The following BCL2 variants were observed in gnomAD, a reference collection of about 807,000 sequenced individuals.
The protein encoded by BCL2 is apoptosis regulator Bcl-2.
Under a neutral mutation model 14.2 loss-of-function variants are expected in BCL2, and 1 was observed. That is an observed-to-expected ratio of 0.07 (90% CI 0.02 to 0.33). The LOEUF (loss-of-function observed/expected upper bound fraction) is 0.33. Among genes scored for constraint, BCL2 ranks in the 10% least tolerant of loss-of-function variants. The pLI is 0.99. For synonymous variants in BCL2, 151 were observed against 137.2 expected, an observed-to-expected ratio of 1.10 and a Z score of -0.70; for missense variants, 247 against 305.9, an observed-to-expected ratio of 0.81 and a Z score of 1.44.
At chr18:63,198,752 GAC>G (rs1401822795) in intron 2 of BCL2, among the ~76,000 whole-genome samples, 1 of 104,774 alleles carries the variant, frequency 9.5e-6, no homozygotes, top group Non-Finnish European at 1.9e-5. Flanking sequence ...GACACACACA[GAC>G]ACACACTGAC....
At chr18:63,139,148 C>T (rs1444621113) in intron 2 of BCL2, among the ~76,000 whole-genome samples, 2 of 152,168 alleles carry the variant, frequency 1.3e-5, no homozygotes, top group Non-Finnish European at 2.9e-5. Context: ...AACCAAGTTC[C>T]CTACTGCCGC....
chr18:63,236,903 G>C (rs370813628), intron 2 of BCL2, among the ~76,000 whole-genome samples: 7 of 152,182 alleles, frequency 4.6e-5, no homozygotes, highest in Non-Finnish European at 1.0e-4. Flanking sequence ...CTACCATCTC[G>C]AGGCCAGTGA....
At chr18:63,252,552 T>C (rs575717678) in intron 2 of BCL2, among the ~76,000 whole-genome samples, 20 of 152,324 alleles carry the variant, frequency 1.3e-4, no homozygotes, top group African/African-American at 4.3e-4. Flanking sequence ...GTTCTCATGA[T>C]AATGAATGAG....
At chr18:63,156,645 T>C (rs1482924546) in intron 2 of BCL2, among the ~76,000 whole-genome samples, 1 of 152,104 alleles carries the variant, frequency 6.6e-6, no homozygotes, top group Non-Finnish European at 1.5e-5. Context: ...ACCTGATGTT[T>C]ACGTAAACAG....
At chr18:63,302,909 T>C in intron 2 of BCL2, 1 of 983,126 alleles carries the variant, frequency 1.0e-6, no homozygotes, top group Non-Finnish European at 1.2e-6. Flanking sequence ...CAAATTAAAC[T>C]GAGGGGGATG....
intron 2 of BCL2, among the ~76,000 whole-genome samples, chr18:63,155,892 G>A (rs1599213414): frequency 6.6e-6 from 1 of 152,200 alleles, no homozygotes; most frequent in South Asian, 2.1e-4. Context: ...GAGGTTAGAG[G>A]CCCATCCTCC....
At chr18:63,239,391 C>T (rs971059269) in intron 2 of BCL2, among the ~76,000 whole-genome samples, 1 of 152,136 alleles carries the variant, frequency 6.6e-6, no homozygotes, top group Non-Finnish European at 1.5e-5. Context: ...GCATCCAATT[C>T]GAGTTAATTC....
intron 2 of BCL2, among the ~76,000 whole-genome samples, chr18:63,211,801 G>A (rs1187534170): frequency 6.6e-6 from 1 of 152,244 alleles, no homozygotes; most frequent in East Asian, 1.9e-4. Context: ...GAGGAGCCAT[G>A]CCACGCAAAG....
At chr18:63,212,238 GA>G (rs1910039174) in intron 2 of BCL2, among the ~76,000 whole-genome samples, 1 of 151,428 alleles carries the variant, frequency 6.6e-6, no homozygotes. Flanking sequence ...AGGCGAGACA[GA>G]ATTGCTTGAA....
chr18:63,178,899 C>CAAAAAAAAAA (rs111876869), intron 2 of BCL2, among the ~76,000 whole-genome samples: 1 of 132,920 alleles, frequency 7.5e-6, no homozygotes. Flanking sequence ...GGGTTCAAGG[C>CAAAAAAAAAA]AAAAAAAAAA....
At position 63,275,405 on chromosome 18, in the gene BCL2, C is replaced by T. The variant is rs1038855761; in HGVS notation, c.585+42677G>A. Among the ~76,000 whole-genome samples, 5 of 152,244 alleles carry T rather than the reference C, an allele frequency of 3.3e-5. No individual in the cohort carries two copies. The South Asian group carries it at 6.2e-4, about 19-fold the overall frequency. ...ACTCAACAACAGCAAGTTAAAGTGG[C>T]TCTCCCCTTCCTGTCCTCCCCGGGA... On this transcript the variant is annotated intron_variant, in intron 2 of 2. Transcript: ENST00000333681.
intron 2 of BCL2, among the ~76,000 whole-genome samples, chr18:63,133,319 ATTT>A (rs34022610): frequency 1.5e-4 from 16 of 103,382 alleles, no homozygotes; most frequent in East Asian, 5.4e-4. Flanking sequence ...ACCTTCAAGA[ATTT>A]TTTTTTTTTT....
chr18:63,198,559 CAG>C (rs1191043360), intron 2 of BCL2, among the ~76,000 whole-genome samples: 1 of 150,220 alleles, frequency 6.7e-6, no homozygotes, highest in Admixed American at 6.6e-5. Flanking sequence ...CACATAGACA[CAG>C]ACACACATTG....
rs1008945978 is a variant in BCL2, at chr18:63,124,782, A to G, written c.*3843T>C. The G allele has an allele frequency of 8.7e-6, 2 of 229,644 alleles. No individual in the cohort carries two copies. The highest frequency in any genetic ancestry group is 1.7e-5 in the Non-Finnish European group (2 of 115,552). The allele number at this position is 229,644 out of a possible 1,614,324, so 14.2% of individuals were successfully genotyped here. ...TCTGGGCTGCAAAAGACACCACAGAATAAGATCAGAATAGAATTTCAACTG... is the reference window on the plus strand; with the variant it reads ...TCTGGGCTGCAAAAGACACCACAGAGTAAGATCAGAATAGAATTTCAACTG... On this transcript the variant is annotated 3_prime_UTR_variant, in exon 3 of 3. Transcript: ENST00000333681.
rs150321664 is a variant in BCL2, at chr18:63,258,736, C to T, written c.585+59346G>A. Among the ~76,000 whole-genome samples the T allele has an allele frequency of 4.4e-3, 676 of 152,322 alleles. 9 individuals are homozygous for T. The highest frequency in any genetic ancestry group is 0.016 in the African/African-American group (653 of 41,574). On this transcript the variant is annotated intron_variant, in intron 2 of 2. Coordinates refer to ENST00000333681, the MANE Select transcript of BCL2 (RefSeq NM_000633.3). The stretch of plus-strand genomic sequence containing the variant: ...GGCATTGGCCTGGACCTCAAAGTAG[C>T]CTAAATGTCTTGGCACGTTTTGTTC...
chr18:63,207,202 C>T (rs1357136115), intron 2 of BCL2, among the ~76,000 whole-genome samples: 2 of 152,320 alleles, frequency 1.3e-5, no homozygotes, highest in South Asian at 2.1e-4. Flanking sequence ...CAGGTGCAGG[C>T]GGCAGGAGGG....
chr18:63,251,568 C>T (rs1168278313), intron 2 of BCL2, among the ~76,000 whole-genome samples: 2 of 150,222 alleles, frequency 1.3e-5, no homozygotes, highest in Non-Finnish European at 3.0e-5. Flanking sequence ...TGGCGTGAAC[C>T]CGGGAGGCGG....
At chr18:63,190,670 G>A (rs898067460) in intron 2 of BCL2, among the ~76,000 whole-genome samples, 9 of 152,216 alleles carry the variant, frequency 5.9e-5, no homozygotes. Flanking sequence ...GCCCCAGTAA[G>A]TGAAAGTCTT....
intron 2 of BCL2, among the ~76,000 whole-genome samples, chr18:63,294,139 A>G (rs1480964993): frequency 6.6e-6 from 1 of 152,072 alleles, no homozygotes; most frequent in Non-Finnish European, 1.5e-5. Flanking sequence ...ACCTTCTGCC[A>G]CAGTGTTTTG....
Sources: allele counts gnomAD v4.1 joint callset (sites outside exome capture counted in the v4.1 genomes callset), GRCh38; gene constraint gnomAD v4.1.1; transcripts MANE v1.5; gene names NCBI Gene and HGNC (gene_info 2026-07-23, HGNC 2026-07-21).